The following MYT1L variants were observed in gnomAD, a reference collection of about 807,000 sequenced individuals.
The protein encoded by MYT1L is myelin transcription factor 1 like.
MYT1L carries 12 observed loss-of-function variants against 126.7 expected under a neutral mutation model. The observed-to-expected ratio is 0.09, with a 90% CI of 0.06 to 0.15. The LOEUF is 0.15. Ranked by LOEUF, MYT1L falls within the 10% of genes least tolerant of loss-of-function variation. MYT1L has a pLI of 1.00. For synonymous variants in MYT1L, 541 were observed against 604.2 expected (o/e 0.90, Z 1.53); for missense variants, 979 against 1,585.2 (o/e 0.62, Z 6.49).
chr2:2,315,298 T>C (rs2096047187), intron 1 of MYT1L, among the ~76,000 whole-genome samples: 1 of 149,872 alleles, frequency 6.7e-6, no homozygotes, highest in Non-Finnish European at 1.5e-5. Context: ...AATAAGTGTT[T>C]GGTCTATTGA....
At position 1,850,153 on chromosome 2, in the gene MYT1L, CCCCTT is replaced by C. The variant is rs147604466; in HGVS notation, c.2774+1483_2774+1487del. Among the ~76,000 whole-genome samples the C allele has an allele frequency of 8.1e-3, 1,104 of 136,046 alleles. 25 individuals carry two copies. Among genetic ancestry groups the C allele is most frequent in the African/African-American group, 0.028 (1,015 of 36,750 alleles). 89.3% of individuals were successfully genotyped at this position (136,046 alleles called of 152,430 possible). ...TGCCCCTCCCTCCTTCCCTTTCCTT[CCCCTT>C]CCCTTCCCTTCCCCTCCCCCTCCCC... On this transcript the variant is annotated intron_variant, in intron 19 of 24. Transcript: ENST00000647738.
At chr2:1,934,176 G>A (rs933700532) in intron 9 of MYT1L, among the ~76,000 whole-genome samples, 139 of 151,114 alleles carry the variant, frequency 9.2e-4, no homozygotes, top group Admixed American at 4.6e-3. Flanking sequence ...GGGTTTCATC[G>A]TGTTAGCCAG....
At chr2:2,212,336 T>C (rs963800593) in intron 2 of MYT1L, among the ~76,000 whole-genome samples, 4 of 151,466 alleles carry the variant, frequency 2.6e-5, no homozygotes, top group Non-Finnish European at 2.9e-5. Flanking sequence ...GATTGGGTGG[T>C]GCCTAGCTGA....
At chr2:2,038,214 T>A (rs2067105525) in intron 4 of MYT1L, among the ~76,000 whole-genome samples, 1 of 152,232 alleles carries the variant, frequency 6.6e-6, no homozygotes, top group Non-Finnish European at 1.5e-5. Flanking sequence ...TTGTTAGAAA[T>A]CATGCCCCTT....
intron 3 of MYT1L, among the ~76,000 whole-genome samples, chr2:2,136,222 T>C (rs1418915347): frequency 6.6e-6 from 1 of 152,204 alleles, no homozygotes; most frequent in Non-Finnish European, 1.5e-5. Context: ...AAATGGTTCA[T>C]CTCAGAGCAG....
chr2:2,209,639 T>G (rs2093435256), intron 2 of MYT1L, among the ~76,000 whole-genome samples: 2 of 152,188 alleles, frequency 1.3e-5, no homozygotes, highest in African/African-American at 4.8e-5. Context: ...TTTAAATTTT[T>G]AATTAAAAAA....
chr2:2,089,149 T>C (rs544747262), intron 3 of MYT1L, among the ~76,000 whole-genome samples: 1 of 152,326 alleles, frequency 6.6e-6, no homozygotes, highest in African/African-American at 2.4e-5. Context: ...AATGTGCGGT[T>C]ATTTGGAATT....
At chr2:2,206,970 G>A (rs768066448) in intron 2 of MYT1L, among the ~76,000 whole-genome samples, 5 of 152,250 alleles carry the variant, frequency 3.3e-5, no homozygotes, top group Non-Finnish European at 5.9e-5. Context: ...TATGGAGAAA[G>A]CATTCCTGCT....
chr2:1,978,572 T>C (rs1013363227), intron 8 of MYT1L, among the ~76,000 whole-genome samples: 3 of 152,138 alleles, frequency 2.0e-5, no homozygotes, highest in African/African-American at 7.2e-5. Flanking sequence ...TTCCACCCCA[T>C]CCCTGTCGCA....
rs772884202 is a variant in MYT1L at position 1,852,105 on chromosome 2, C to A, written c.2712-402G>T. 4.6e-5 allele frequency among the ~76,000 whole-genome samples: 7 copies of A among 152,226 alleles called. No individual in the cohort carries two copies. The highest frequency in any genetic ancestry group is 7.3e-5 in the Non-Finnish European group (5 of 68,034). Reference sequence around the variant, plus strand: ...AGGCTCACACATGAACAGACATGCCCTGGGGTCTGAGAGAATGGTTTTAGT... The same window carrying A: ...AGGCTCACACATGAACAGACATGCCATGGGGTCTGAGAGAATGGTTTTAGT... On this transcript the variant is annotated intron_variant, in intron 18 of 24. Transcript: ENST00000647738. The surrounding 1 kb of genome is among the most constrained non-coding windows in gnomAD (Gnocchi z 4.0).
chr2:1,833,976 G>C (rs1462854612), intron 21 of MYT1L, among the ~76,000 whole-genome samples: 2 of 152,234 alleles, frequency 1.3e-5, no homozygotes, highest in Non-Finnish European at 2.9e-5. Context: ...CTGAGACCCG[G>C]GGCCGGGAGT....
At position 1,791,831 on chromosome 2, in the gene MYT1L, C is replaced by A; in HGVS notation, c.*36G>T. 6.6e-7 allele frequency: 1 copy of A among 1,516,936 alleles called. No homozygotes were observed. Among genetic ancestry groups the A allele is most frequent in the African/African-American group, 1.4e-5 (1 of 70,718 alleles). 94.0% of individuals were successfully genotyped at this position (1,516,936 alleles called of 1,614,324 possible). On this transcript the variant is annotated 3_prime_UTR_variant, in exon 25 of 25. Coordinates refer to ENST00000647738, the MANE Select transcript of MYT1L (RefSeq NM_001303052.2). The surrounding 1 kb of genome is among the most constrained non-coding windows in gnomAD (Gnocchi z 6.0). ...ACAGCAGCAAAAAACAAGAGGCATC[C>A]TTTTTAAGCAAGAGTTTCATCACTA...
intron 4 of MYT1L, among the ~76,000 whole-genome samples, chr2:2,008,644 G>A (rs374058188): frequency 6.6e-6 from 1 of 151,908 alleles, no homozygotes; most frequent in South Asian, 2.1e-4. Context: ...CTTTTTCATT[G>A]TGATATTGTT....
chr2:2,326,760 C>G (rs2096250063), intron 1 of MYT1L: 1 of 152,186 alleles, frequency 6.6e-6, no homozygotes, highest in African/African-American at 2.4e-5. Context: ...TCTCTGATTA[C>G]TTCTACAGAT....
chr2:2,219,519 T>C (rs2093792986), intron 2 of MYT1L, among the ~76,000 whole-genome samples: 1 of 152,248 alleles, frequency 6.6e-6, no homozygotes, highest in African/African-American at 2.4e-5. Flanking sequence ...TTTATGTTCT[T>C]AGCTCCCACA....
At chr2:2,268,043 T>A (rs548247920) in intron 2 of MYT1L, among the ~76,000 whole-genome samples, 4 of 152,326 alleles carry the variant, frequency 2.6e-5, no homozygotes, top group African/African-American at 7.2e-5. Context: ...GGATAGCAGA[T>A]GGGAATTCCA....
chr2:2,075,395 A>C (rs1178075985), intron 3 of MYT1L, among the ~76,000 whole-genome samples: 1 of 152,166 alleles, frequency 6.6e-6, no homozygotes, highest in Non-Finnish European at 1.5e-5. Flanking sequence ...TCTTCCAGCA[A>C]ATTCACAGTC....
intron 2 of MYT1L, among the ~76,000 whole-genome samples, chr2:2,268,640 A>G (rs2095193068): frequency 6.6e-6 from 1 of 152,154 alleles, no homozygotes; most frequent in Non-Finnish European, 1.5e-5. Context: ...AAACCACGCC[A>G]GGAAATCTGC....
intron 18 of MYT1L, among the ~76,000 whole-genome samples, chr2:1,859,599 C>T (rs538767956): frequency 1.1e-3 from 168 of 152,184 alleles, no homozygotes; most frequent in Non-Finnish European, 1.8e-3. Flanking sequence ...TTGTATGATG[C>T]CCAATAACTG....
Sources: gnomAD v4.1 joint callset for allele counts (sites outside exome capture counted in the v4.1 genomes callset) on GRCh38, gnomAD v4.1.1 for gene constraint, Gnocchi (gnomAD v3.1) non-coding constraint, MANE v1.5 for transcripts, NCBI Gene and HGNC (gene_info 2026-07-23, HGNC 2026-07-21) for gene names.